SSC4D: variants seen among roughly 807,000 people sequenced by gnomAD.
The protein encoded by SSC4D is scavenger receptor cysteine-rich domain-containing group B protein.
A neutral mutation model predicts 63.4 loss-of-function variants in SSC4D; 57 were observed. That is an observed-to-expected ratio of 0.90 (90% CI 0.73 to 1.12). The LOEUF (loss-of-function observed/expected upper bound fraction) is 1.12, where lower values mean the gene tolerates loss of function less well. Among genes scored for constraint, SSC4D ranks in the 50% most tolerant of loss-of-function variants. The pLI is 0.00. For missense variants in SSC4D, 791 were observed against 806.4 expected (o/e 0.98, Z 0.23); for synonymous variants, 352 against 345.4 (o/e 1.02, Z -0.21).
chr7:76,393,941 C>A lies in SSC4D; in HGVS notation c.947-37G>T, dbSNP rs748596090. ...GGGCATCTAGGGCGTTCGAAGGGGA[C>A]GAGGAGGCCTTCTGTCCTGCAGCAG... On this transcript the variant is annotated intron_variant, in intron 7 of 10. Coordinates refer to ENST00000275560, the MANE Select transcript of SSC4D (RefSeq NM_080744.2). 3.5e-5 allele frequency: 55 copies of A among 1,564,246 alleles called. No individual in the cohort carries two copies. The Middle Eastern group carries it at 5.0e-4, about 14-fold the overall frequency.
Position 76,390,288 on chromosome 7 carries a change from T to C in SSC4D, c.1499A>G (p.Asp500Gly). 6.2e-7 allele frequency: 1 copy of C among 1,613,948 alleles called. No individual in the cohort carries two copies. The highest frequency in any genetic ancestry group is 8.5e-7 in the Non-Finnish European group (1 of 1,179,944). Residue 500 changes from aspartate (D) to glycine (G), a missense_variant, in exon 11 of 11, where the codon GAT becomes GGT. Asp to Gly is a moderately conservative substitution (Grantham distance 94). Coordinates refer to ENST00000275560, the MANE Select transcript of SSC4D (RefSeq NM_080744.2). The part of the protein sequence containing the change: ...LGQRWGTVCD[D>G]AWDLRAAGVL... ...ACCGGCTGCCCGCAGGTCCCAAGCA[T>C]CATCACAGACAGTGCCCCACCGTTG... is the stretch of plus-strand genomic sequence containing the variant.
Position 76,400,449 on chromosome 7 carries a change from T to C in SSC4D, c.312A>G (p.Ala104=). 1.2e-6 allele frequency: 2 copies of C among 1,608,970 alleles called. No individual in the cohort carries two copies. The highest frequency in any genetic ancestry group is 2.2e-5 in the South Asian group (2 of 90,828). The change falls in exon 4 of 11, where the codon GCA becomes GCG. Residue 104 remains alanine (A), a synonymous_variant. Coordinates refer to ENST00000275560, the MANE Select transcript of SSC4D (RefSeq NM_080744.2). The part of the protein sequence containing the change: ...VVCRQLGCGL[A]LPVPRPLAFG... Reference sequence around the variant, plus strand: ...AGGCAAGGGGCCGTGGCACGGGCAGTGCCAGGCCACAGCCCAGCTGGCGAC... The same window carrying C: ...AGGCAAGGGGCCGTGGCACGGGCAGCGCCAGGCCACAGCCCAGCTGGCGAC...
intron 1 of SSC4D, among the ~76,000 whole-genome samples, chr7:76,407,890 T>C (rs895445637): frequency 6.6e-6 from 1 of 152,078 alleles, no homozygotes; most frequent in African/African-American, 2.4e-5. Context: ...GACTGGTTGG[T>C]TGGGGAGAGA....
rs1400403689 is a variant in SSC4D at position 76,393,499 on chromosome 7, G to A, written c.1239C>T (p.Cys413=). The A allele has an allele frequency of 6.6e-7, 1 of 1,523,746 alleles. No homozygotes were observed. The highest frequency in any genetic ancestry group is 8.8e-7 in the Non-Finnish European group (1 of 1,142,544). The allele number at this position is 1,523,746 out of a possible 1,614,324, so 94.4% of individuals were successfully genotyped here. ...RGPVLLDNVG[C]AGTEARLSDC... is the part of the protein sequence containing the mutation. ...CGCTCAGGCGAGCCTCGGTGCCGGC[G>A]CAGCCCACGTTGTCCAGCAGCACGG... is the stretch of plus-strand genomic sequence containing the variant. The change falls in exon 9 of 11, where the codon TGC becomes TGT. Residue 413 remains cysteine (C), a synonymous_variant. Transcript: ENST00000275560.
At chr7:76,403,886 C>T (rs1230205177) in intron 2 of SSC4D, among the ~76,000 whole-genome samples, 7 of 152,108 alleles carry the variant, frequency 4.6e-5, no homozygotes, top group Admixed American at 4.6e-4. Context: ...TGGTCTCAAA[C>T]TCCTGATCTC....
At chr7:76,400,980 G>A (rs1038959371) in intron 3 of SSC4D, 28 bp downstream of exon 3, 11 of 1,551,060 alleles carry the variant, frequency 7.1e-6, no homozygotes, top group African/African-American at 5.5e-5. Context: ...ACAGGTGAGG[G>A]TGAGGAAGGG....
intron 1 of SSC4D, among the ~76,000 whole-genome samples, chr7:76,408,173 C>T (rs1805103039): frequency 6.6e-6 from 1 of 152,110 alleles, no homozygotes; most frequent in Non-Finnish European, 1.5e-5. Context: ...AGGAGCTCCC[C>T]ACCATCCCTC....
intron 9 of SSC4D, among the ~76,000 whole-genome samples, 161 bp from the exon 10 acceptor site, chr7:76,392,202 T>C (rs987766882): frequency 5.3e-4 from 81 of 152,058 alleles, no homozygotes; most frequent in African/African-American, 1.7e-3. Context: ...GAAATGCGGG[T>C]TGTGTCACTG....
In SSC4D at chr7:76,400,366, G is replaced by T. The variant is rs1397962718; in HGVS notation, c.395C>A (p.Ala132Asp). 5 of 1,585,032 alleles carry T rather than the reference G, an allele frequency of 3.2e-6. No individual in the cohort carries two copies. The highest frequency in any genetic ancestry group is 3.4e-4 in the Middle Eastern group (2 of 5,934). Residue 132 changes from alanine (A) to aspartate (D), a missense_variant, in exon 4 of 11, where the codon GCT becomes GAT. By Grantham distance (126) the Ala-to-Asp change is moderately radical. Transcript: ENST00000275560. ...LDNVECRGQEAALSECGSRGW... is the reference protein window; with the variant it reads ...LDNVECRGQEDALSECGSRGW... ...GCGGCTGCCGCACTCGCTCAGCGCA[G>T]CTTCCTGCCCGCGGCACTCCACGTT... is the stretch of plus-strand genomic sequence containing the variant.
intron 1 of SSC4D, among the ~76,000 whole-genome samples, chr7:76,408,039 T>G (rs1469134543): frequency 1.2e-4 from 18 of 152,084 alleles, no homozygotes; most frequent in Non-Finnish European, 2.6e-4. Context: ...GTCAGGGAGC[T>G]AGGAGCATCC....
At position 76,393,478 on chromosome 7, in the gene SSC4D, C is replaced by T. The variant is rs1025258922; in HGVS notation, c.1260G>A (p.Leu420=). 6.6e-7 allele frequency: 1 copy of T among 1,525,824 alleles called. No homozygotes were observed. Among genetic ancestry groups the T allele is most frequent in the Non-Finnish European group, 8.7e-7 (1 of 1,144,040 alleles). 94.5% of individuals were successfully genotyped at this position (1,525,824 alleles called of 1,614,324 possible). A position where few individuals can be genotyped will look rare whatever the true frequency, so the allele number is the denominator to read the frequency against. ...CCCAGCCCAGGTGGAAGCAGTCGCTCAGGCGAGCCTCGGTGCCGGCGCAGC... is the reference window on the plus strand; with the variant it reads ...CCCAGCCCAGGTGGAAGCAGTCGCTTAGGCGAGCCTCGGTGCCGGCGCAGC... ...NVGCAGTEAR[L]SDCFHLGWGQ... The change falls in exon 9 of 11, where the codon CTG becomes CTA. Residue 420 remains leucine (L), a synonymous_variant. Coordinates refer to ENST00000275560, the MANE Select transcript of SSC4D (RefSeq NM_080744.2).
intron 10 of SSC4D, among the ~76,000 whole-genome samples, chr7:76,391,508 G>A (rs1298099826): frequency 2.6e-5 from 4 of 152,128 alleles, no homozygotes; most frequent in African/African-American, 9.7e-5. Flanking sequence ...GCGTGCAAAC[G>A]TTTTTGAGTG....
chr7:76,399,012 T>C (rs1804729920), intron 4 of SSC4D, among the ~76,000 whole-genome samples: 1 of 152,136 alleles, frequency 6.6e-6, no homozygotes, highest in African/African-American at 2.4e-5. Flanking sequence ...TGTTGTTTTT[T>C]ATTTTATTTT....
At chr7:76,407,247 C>T (rs1273381750) in intron 1 of SSC4D, among the ~76,000 whole-genome samples, 13 of 152,184 alleles carry the variant, frequency 8.5e-5, no homozygotes, top group Admixed American at 8.5e-4. Context: ...AGGTGTGAGC[C>T]ACCAGGCTTG....
chr7:76,395,384 C>G (rs528887287), intron 6 of SSC4D, 54 bp from the exon 7 acceptor site: 1 of 1,565,478 alleles, frequency 6.4e-7, no homozygotes, highest in East Asian at 2.2e-5. Context: ...GGTCTCTGGT[C>G]AGCCATGGGC....
chr7:76,393,569 G>T lies in SSC4D; in HGVS notation c.1169C>A (p.Ala390Glu). 1 of 1,513,908 alleles carries T rather than the reference G, an allele frequency of 6.6e-7. No homozygotes were observed. 93.8% of individuals were successfully genotyped at this position (1,513,908 alleles called of 1,614,324 possible). ...GTGGCCCAGTCCCGTAGCGCCCAGC[G>T]CAGGCCCGCAGCCCGCTTCGCGGCA... Reference protein sequence around the residue: ...VACREAGCGPALGATGLGHFG... With the variant: ...VACREAGCGPELGATGLGHFG... Residue 390 changes from alanine (A) to glutamate (E), a missense_variant, in exon 9 of 11, where the codon GCG becomes GAG. Coordinates refer to ENST00000275560, the MANE Select transcript of SSC4D (RefSeq NM_080744.2).
intron 4 of SSC4D, 50 bp downstream of exon 4, chr7:76,400,236 G>A: frequency 2.1e-6 from 3 of 1,428,126 alleles, no homozygotes; most frequent in Non-Finnish European, 1.8e-6. Context: ...CTACAGCCCT[G>A]CTGCCTGCCA....
chr7:76,402,747 G>A (rs543766333), intron 2 of SSC4D, among the ~76,000 whole-genome samples: 19 of 152,086 alleles, frequency 1.2e-4, no homozygotes, highest in Non-Finnish European at 2.2e-4. Flanking sequence ...TTTGCTCACC[G>A]CAACCTCCCC....
At chr7:76,390,527 A>T (rs1229848368) in intron 10 of SSC4D, 152 bp from the exon 11 acceptor site, 4 of 741,492 alleles carry the variant, frequency 5.4e-6, no homozygotes, top group Non-Finnish European at 8.5e-6. Context: ...TTAAAGTAAG[A>T]TTGGCGCTGG....
Sources: allele counts gnomAD v4.1 joint callset (sites outside exome capture counted in the v4.1 genomes callset), GRCh38; gene constraint gnomAD v4.1.1; transcripts MANE v1.5; gene names NCBI Gene and HGNC (gene_info 2026-07-23, HGNC 2026-07-21).